The following PCDHA11 variants were observed in gnomAD, a reference collection of about 807,000 sequenced individuals.
The protein encoded by PCDHA11 is protocadherin alpha 11, also known as protocadherin alpha-11.
Under a neutral mutation model 70.3 loss-of-function variants are expected in PCDHA11, and 61 were observed. The observed-to-expected ratio is 0.87, with a 90% CI of 0.71 to 1.07. The LOEUF is 1.07. Among genes scored for constraint, PCDHA11 ranks in the 50% least tolerant of loss-of-function variants. The pLI, the probability that PCDHA11 is intolerant of heterozygous loss-of-function variation, is 0.00. For synonymous variants in PCDHA11, 633 were observed against 555.1 expected (o/e 1.14, Z -1.97); for missense variants, 1,324 against 1,237.5 (o/e 1.07, Z -1.05).
At chr5:140,999,001 C>T (rs1405051280) in intron 3 of PCDHA11, among the ~76,000 whole-genome samples, 3 of 152,214 alleles carry the variant, frequency 2.0e-5, no homozygotes, top group Non-Finnish European at 4.4e-5. Flanking sequence ...AATGCTGGAG[C>T]TGAGATTTGA....
intron 1 of PCDHA11, among the ~76,000 whole-genome samples, chr5:140,915,396 C>T (rs1554196881): frequency 6.6e-6 from 1 of 152,116 alleles, no homozygotes; most frequent in African/African-American, 2.4e-5. Context: ...CTAGGTATTT[C>T]TTATAGTCTT....
chr5:140,943,505 T>C (rs938907371), intron 1 of PCDHA11, among the ~76,000 whole-genome samples: 13 of 152,106 alleles, frequency 8.5e-5, no homozygotes, highest in Non-Finnish European at 1.8e-4. Flanking sequence ...TCAAGGTTCA[T>C]GGAAATGTTG....
chr5:140,967,262 C>G (rs1554229356), intron 1 of PCDHA11: 1 of 1,613,522 alleles, frequency 6.2e-7, no homozygotes, highest in African/African-American at 1.3e-5. Flanking sequence ...GCCTGGAGCG[C>G]GCTTTCACAT....
intron 1 of PCDHA11, chr5:140,881,399 T>C (rs2058702396): frequency 1.0e-6 from 1 of 975,460 alleles, no homozygotes; most frequent in Non-Finnish European, 1.2e-6. Flanking sequence ...TTAAATTCTA[T>C]TAAATCAATA....
intron 1 of PCDHA11, among the ~76,000 whole-genome samples, chr5:140,924,207 T>C (rs2081717308): frequency 6.6e-6 from 1 of 152,198 alleles, no homozygotes. Flanking sequence ...AGAAATTTGG[T>C]GAAGAATAAG....
chr5:140,981,895 G>A (rs2153826767), intron 2 of PCDHA11, among the ~76,000 whole-genome samples: 1 of 152,252 alleles, frequency 6.6e-6, no homozygotes, highest in East Asian at 1.9e-4. Flanking sequence ...TCTGAGCGGG[G>A]ATCTGTGAGT....
chr5:140,876,674 A>T (rs782568001), intron 1 of PCDHA11: 38 of 1,614,024 alleles, frequency 2.4e-5, no homozygotes, highest in Non-Finnish European at 3.1e-5. Flanking sequence ...GTGTCCACCT[A>T]CAAGAATTAC....
chr5:140,877,609 C>T (rs1554169925), intron 1 of PCDHA11: 4 of 1,613,876 alleles, frequency 2.5e-6, no homozygotes, highest in Middle Eastern at 1.7e-4. Flanking sequence ...CCTGCTGGTG[C>T]TCACGCTGCT....
intron 3 of PCDHA11, among the ~76,000 whole-genome samples, chr5:140,985,577 G>GC (rs1195077647): frequency 6.6e-6 from 1 of 152,116 alleles, no homozygotes; most frequent in Non-Finnish European, 1.5e-5. Flanking sequence ...TGGTGCCTAA[G>GC]CCTCCTTATA....
At chr5:140,967,681 G>A (rs367838143) in intron 1 of PCDHA11, 12 of 1,614,086 alleles carry the variant, frequency 7.4e-6, no homozygotes, top group Non-Finnish European at 9.3e-6. Flanking sequence ...ACCGGGAGAG[G>A]CAGCTCTTCA....
chr5:140,917,396 G>C (rs928504202), intron 1 of PCDHA11, among the ~76,000 whole-genome samples: 2 of 151,286 alleles, frequency 1.3e-5, no homozygotes, highest in East Asian at 3.9e-4. Flanking sequence ...ATGTGCAGAA[G>C]CTCTTTAGTT....
chr5:140,971,091 T>G (rs1355075556), intron 1 of PCDHA11, among the ~76,000 whole-genome samples: 1 of 152,180 alleles, frequency 6.6e-6, no homozygotes, highest in Non-Finnish European at 1.5e-5. Flanking sequence ...AACAAATTCT[T>G]GTGAAGCCCT....
chr5:140,954,978 A>C (rs1268797182), intron 1 of PCDHA11, among the ~76,000 whole-genome samples: 2 of 152,176 alleles, frequency 1.3e-5, no homozygotes, highest in African/African-American at 4.8e-5. Context: ...GTCCAGTTTC[A>C]ATTTTCTGCA....
At chr5:140,995,837 C>T (rs1554254841) in intron 3 of PCDHA11, among the ~76,000 whole-genome samples, 2 of 152,158 alleles carry the variant, frequency 1.3e-5, no homozygotes, top group Non-Finnish European at 2.9e-5. Context: ...TGCACAGTGC[C>T]TCACATTTCT....
intron 1 of PCDHA11, among the ~76,000 whole-genome samples, chr5:140,872,352 C>T (rs568415263): frequency 7.2e-5 from 11 of 152,170 alleles, no homozygotes; most frequent in African/African-American, 2.7e-4. Context: ...TCTTGCCAGG[C>T]AAAGTGGTTC....
chr5:140,939,904 T>A (rs1554213033), intron 1 of PCDHA11, among the ~76,000 whole-genome samples: 3 of 152,228 alleles, frequency 2.0e-5, no homozygotes, highest in Non-Finnish European at 2.9e-5. Context: ...TTCTGCATTC[T>A]TTTTTATTCT....
intron 1 of PCDHA11, among the ~76,000 whole-genome samples, chr5:140,956,122 A>T (rs1371284760): frequency 6.6e-6 from 1 of 152,116 alleles, no homozygotes; most frequent in Non-Finnish European, 1.5e-5. Context: ...CTCTCTTCCT[A>T]TTTGAATACC....
At chr5:140,902,575 T>A (rs1200474088) in intron 1 of PCDHA11, among the ~76,000 whole-genome samples, 1 of 152,082 alleles carries the variant, frequency 6.6e-6, no homozygotes, top group Non-Finnish European at 1.5e-5. Flanking sequence ...TTTTTAAGAT[T>A]TCAATAGTTT....
chr5:140,885,603 T>G (rs2060651521), intron 1 of PCDHA11, among the ~76,000 whole-genome samples: 1 of 152,202 alleles, frequency 6.6e-6, no homozygotes, highest in South Asian at 2.1e-4. Context: ...ATATTAATAA[T>G]TTTAATTATA....
Sources: gnomAD v4.1 joint callset for allele counts (sites outside exome capture counted in the v4.1 genomes callset) on GRCh38, gnomAD v4.1.1 for gene constraint, MANE v1.5 for transcripts, NCBI Gene and HGNC (gene_info 2026-07-23, HGNC 2026-07-21) for gene names.